The following KLHL12 variants were observed in gnomAD, a reference collection of about 807,000 sequenced individuals.
KLHL12 encodes the protein kelch-like protein 12.
KLHL12 carries 17 observed loss-of-function variants against 60.8 expected under a neutral mutation model. The ratio of observed to expected loss-of-function variants is 0.28; its 90% CI spans 0.19 to 0.42. KLHL12 has a LOEUF of 0.42. Ranked by LOEUF, KLHL12 falls within the 10% of genes least tolerant of loss-of-function variation. KLHL12 has a pLI of 1.00. For synonymous variants in KLHL12, 220 were observed against 250.9 expected, an observed-to-expected ratio of 0.88 and a Z score of 1.16; for missense variants, 468 against 722.3, an observed-to-expected ratio of 0.65 and a Z score of 4.04.
chr1:202,892,705 A>C (rs1181346608), intron 11 of KLHL12, 46 bp from the exon 12 acceptor site: 33 of 1,600,418 alleles, frequency 2.1e-5, no homozygotes, highest in Non-Finnish European at 2.7e-5. Context: ...AGCTGCGTGC[A>C]GTGGCACGTG....
chr1:202,906,245 G>T (rs990546716), intron 6 of KLHL12, among the ~76,000 whole-genome samples: 29 of 150,080 alleles, frequency 1.9e-4, no homozygotes, highest in African/African-American at 6.3e-4. Context: ...CTGACGTCAG[G>T]AGTCCGAGAC....
chr1:202,921,656 A>G (rs1660701256), intron 2 of KLHL12, among the ~76,000 whole-genome samples: 1 of 152,248 alleles, frequency 6.6e-6, no homozygotes, highest in Non-Finnish European at 1.5e-5. Context: ...TCTTGAAGCT[A>G]TGAGTATTGA....
At chr1:202,906,812 C>T (rs998654118) in intron 6 of KLHL12, among the ~76,000 whole-genome samples, 1 of 152,160 alleles carries the variant, frequency 6.6e-6, no homozygotes. Flanking sequence ...CAGGTGTGCA[C>T]CACCACACTC....
chr1:202,927,519 C>CAAAAAAAAAAAAA (rs869139683), upstream of KLHL12, among the ~76,000 whole-genome samples: 1 of 52,814 alleles, frequency 1.9e-5, no homozygotes, highest in African/African-American at 8.3e-5. Flanking sequence ...CCCGTTTCTA[C>CAAAAAAAAAAAAA]AAAAAAAAAA....
intron 1 of KLHL12, among the ~76,000 whole-genome samples, chr1:202,926,104 CAAA>C (rs368473168): frequency 1.2e-4 from 7 of 59,530 alleles, no homozygotes; most frequent in Admixed American, 2.0e-4. Context: ...GACTCTGTCT[CAAA>C]AAAAAAAAAA....
At chr1:202,912,236 C>A in intron 4 of KLHL12, 1 of 1,103,472 alleles carries the variant, frequency 9.1e-7, no homozygotes, top group Non-Finnish European at 1.4e-6. Context: ...CTGACTGAGG[C>A]AGTGGCAAGA....
rs1040932556 is a variant in KLHL12, at chr1:202,927,218, T to G, written c.-175A>C. ...CCAGACCCGGAGGCTCTGGAGGCTC[T>G]GGAGCCGTCCGGGTCTGGCCCCTGC... On this transcript the variant is annotated 5_prime_UTR_variant, in exon 1 of 12. Transcript: ENST00000367261. 10 of 985,178 alleles carry G rather than the reference T, an allele frequency of 1.0e-5. No homozygotes were observed. The highest frequency in any genetic ancestry group is 1.2e-5 in the Non-Finnish European group (10 of 829,862). 61.0% of individuals were successfully genotyped at this position (985,178 alleles called of 1,614,324 possible).
intron 3 of KLHL12, among the ~76,000 whole-genome samples, chr1:202,919,442 A>T (rs1470855954): frequency 2.0e-5 from 3 of 152,180 alleles, no homozygotes; most frequent in African/African-American, 7.2e-5. Context: ...CTTTTTTATT[A>T]TATTTCCTTA....
Position 202,925,109 on chromosome 1 carries a change from G to A in KLHL12, c.54C>T (p.Ser18=), listed in dbSNP as rs1448501277. Residue 18 remains serine, a synonymous_variant, in exon 2 of 12, where the codon TCC becomes TCT. Transcript: ENST00000367261. ...TGAGGGAGTTCATTGAATTGAGGAT[G>A]GATTTAGCATGAGTATTTGTCATTA... ...KDIMTNTHAK[S]ILNSMNSLRK... 6.2e-7 allele frequency: 1 copy of A among 1,614,104 alleles called. No homozygotes were observed. The highest frequency in any genetic ancestry group is 1.1e-5 in the South Asian group (1 of 91,082).
chr1:202,917,740 A>G (rs572336944), intron 4 of KLHL12, among the ~76,000 whole-genome samples: 2 of 152,024 alleles, frequency 1.3e-5, no homozygotes, highest in African/African-American at 2.4e-5. Context: ...TTTTTTGTCT[A>G]TATCTCTGTC....
At chr1:202,917,966 T>C (rs753219420) in intron 4 of KLHL12, among the ~76,000 whole-genome samples, 1 of 152,234 alleles carries the variant, frequency 6.6e-6, no homozygotes, top group Non-Finnish European at 1.5e-5. Context: ...TCTTACCCAC[T>C]GGGATCATAT....
chr1:202,908,983 C>T, intron 6 of KLHL12, 27 bp downstream of exon 6: 14 of 1,400,768 alleles, frequency 1.0e-5, no homozygotes, highest in Non-Finnish European at 1.4e-5. Context: ...AAAAGCATCC[C>T]CTCATTCTGC....
At position 202,893,613 on chromosome 1, in the gene KLHL12, C is replaced by G. The variant is rs1659742030; in HGVS notation, c.1394-188G>C. On this transcript the variant is annotated intron_variant, in intron 10 of 11. Transcript: ENST00000367261. This position sits in a 1 kb window ranked among gnomAD's most constrained non-coding sequence, Gnocchi z 4.1. ...CCATCTATAAACCCTTTGGCTTGGA[C>G]TTGAAATGATAAAAGATAAATAATA... 2.0e-5 allele frequency among the ~76,000 whole-genome samples: 3 copies of G among 152,282 alleles called. No homozygotes were observed. Among genetic ancestry groups the G allele is most frequent in the Admixed American group, 2.0e-4 (3 of 15,294 alleles).
At chr1:202,927,669 C>A (rs1470833801), upstream of KLHL12, among the ~76,000 whole-genome samples, 3 of 107,466 alleles carry the variant, frequency 2.8e-5, no homozygotes, top group Non-Finnish European at 3.7e-5. Flanking sequence ...CAGAATGAGA[C>A]CCTGTAAAAA....
In KLHL12 at chr1:202,895,785, A is replaced by G. The variant is rs1659815593; in HGVS notation, c.940-68T>C. ...CAAGTTTTGGGCCTTACCTTTTGCTATCTTCCCTGTTGTATCTGCACACCT... is the reference window on the plus strand; with the variant it reads ...CAAGTTTTGGGCCTTACCTTTTGCTGTCTTCCCTGTTGTATCTGCACACCT... On this transcript the variant is annotated intron_variant, in intron 7 of 11. Transcript: ENST00000367261. The surrounding 1 kb of genome is among the most constrained non-coding windows in gnomAD (Gnocchi z 4.2). The G allele has an allele frequency of 1.2e-5, 14 of 1,211,566 alleles. No individual in the cohort carries two copies. The highest frequency in any genetic ancestry group is 1.6e-5 in the Non-Finnish European group (13 of 835,644). 75.1% of individuals were successfully genotyped at this position (1,211,566 alleles called of 1,614,324 possible).
chr1:202,911,289 C>T, intron 4 of KLHL12, 86 bp from the exon 5 acceptor site: 1 of 1,462,826 alleles, frequency 6.8e-7, no homozygotes, highest in Non-Finnish European at 9.4e-7. Flanking sequence ...CTTTTTCCTT[C>T]CTGCTTCCCA....
At chr1:202,923,497 C>T (rs1034555367) in intron 2 of KLHL12, among the ~76,000 whole-genome samples, 4 of 152,198 alleles carry the variant, frequency 2.6e-5, no homozygotes, top group African/African-American at 7.2e-5. Flanking sequence ...TGAGCATTGG[C>T]TCATAGTATT....
chr1:202,894,222 T>C lies in KLHL12; in HGVS notation c.1355A>G (p.His452Arg). ...SVEKYDPHTG[H>R]WTNVTPMATK... The stretch of plus-strand genomic sequence containing the variant: ...GGCCATTGGTGTAACATTAGTCCAA[T>C]GTCCTGTATGAGGGTCGTATTTCTC... Residue 452 changes from histidine (H) to arginine (R), a missense_variant, in exon 10 of 12, where the codon CAT (histidine) becomes CGT (arginine). Transcript: ENST00000367261. The C allele has an allele frequency of 6.4e-7, 1 of 1,557,924 alleles. No individual in the cohort carries two copies. The highest frequency in any genetic ancestry group is 8.7e-7 in the Non-Finnish European group (1 of 1,149,582).
chr1:202,896,516 T>G (rs1659839016), intron 7 of KLHL12, among the ~76,000 whole-genome samples: 1 of 152,168 alleles, frequency 6.6e-6, no homozygotes, highest in African/African-American at 2.4e-5. Context: ...AACTGAACAC[T>G]GGGTTCAATT....
Sources: allele counts gnomAD v4.1 joint callset (sites outside exome capture counted in the v4.1 genomes callset), GRCh38; gene constraint gnomAD v4.1.1; non-coding constraint Gnocchi (gnomAD v3.1); transcripts MANE v1.5; gene names NCBI Gene and HGNC (gene_info 2026-07-23, HGNC 2026-07-21).